Variants in AKAP9 observed in about 807,000 individuals in gnomAD.
AKAP9 encodes A-kinase anchoring protein 9.
AKAP9 carries 311 observed loss-of-function variants against 488.5 expected under a neutral mutation model. The ratio of observed to expected loss-of-function variants is 0.64; its 90% CI spans 0.58 to 0.70. The LOEUF (loss-of-function observed/expected upper bound fraction) is 0.70, where lower values mean the gene tolerates loss of function less well. AKAP9 is among the 30% of genes least tolerant of loss of function. AKAP9 has a pLI of 0.00. For missense variants in AKAP9, 4,215 were observed against 4,374.5 expected, an observed-to-expected ratio of 0.96 and a Z score of 1.03; for synonymous variants, 1,462 against 1,483.5, an observed-to-expected ratio of 0.99 and a Z score of 0.33.
intron 8 of AKAP9, among the ~76,000 whole-genome samples, chr7:92,011,843 G>A (rs1800792229): frequency 6.6e-6 from 1 of 152,328 alleles, no homozygotes; most frequent in Middle Eastern, 3.4e-3. Context: ...GCAGGGTGCG[G>A]TGGCTCATAC....
intron 8 of AKAP9, among the ~76,000 whole-genome samples, chr7:92,003,599 G>A (rs577697908): frequency 2.0e-5 from 3 of 151,678 alleles, no homozygotes; most frequent in Non-Finnish European, 4.4e-5. Flanking sequence ...TGGTTTCAGC[G>A]TTTTTATTTC....
intron 1 of AKAP9, among the ~76,000 whole-genome samples, chr7:91,968,787 C>T (rs2130542995): frequency 6.6e-6 from 1 of 152,216 alleles, no homozygotes; most frequent in South Asian, 2.1e-4. Flanking sequence ...GTTGTATTTC[C>T]ATTTTCATTT....
chr7:92,065,519 A>G, intron 25 of AKAP9, 56 bp downstream of exon 25: 7 of 1,215,824 alleles, frequency 5.8e-6, no homozygotes, highest in African/African-American at 1.5e-5. Context: ...CTTTGCTAGT[A>G]TACTAGGCTA....
At chr7:91,991,587 T>A (rs1486101773) in intron 3 of AKAP9, among the ~76,000 whole-genome samples, 3 of 151,732 alleles carry the variant, frequency 2.0e-5, no homozygotes, top group Non-Finnish European at 2.9e-5. Flanking sequence ...TTCTCCTGCC[T>A]CAGCCTCCCA....
chr7:91,964,938 A>G (rs1367771455), intron 1 of AKAP9, among the ~76,000 whole-genome samples: 1 of 152,200 alleles, frequency 6.6e-6, no homozygotes, highest in African/African-American at 2.4e-5. Flanking sequence ...TATTTTGGGA[A>G]TACATGTGAT....
chr7:92,063,735 A>G (rs991845970), intron 24 of AKAP9, among the ~76,000 whole-genome samples: 7 of 152,240 alleles, frequency 4.6e-5, no homozygotes, highest in African/African-American at 1.4e-4. Context: ...TATGATGTCT[A>G]TTTTTGCATA....
chr7:92,021,760 C>T (rs957500590), intron 12 of AKAP9, among the ~76,000 whole-genome samples: 3 of 152,122 alleles, frequency 2.0e-5, no homozygotes, highest in Non-Finnish European at 4.4e-5. Flanking sequence ...TGAGATTTAT[C>T]TATTTTCATT....
At position 92,093,224 on chromosome 7, in the gene AKAP9, T is replaced by C. The variant is rs1266928314; in HGVS notation, c.9486T>C (p.Ala3162=). The change falls in exon 39 of 50, where the codon GCT becomes GCC. Residue 3162 remains alanine (A), a synonymous_variant. Transcript: ENST00000356239. The part of the protein sequence containing the change: ...EQLSSEKMVV[A]ELKSELAQTK... ...TGAGTTCTGAGAAAATGGTGGTTGC[T>C]GAACTGAAGAGTGAGCTTGCACAAA... 6.2e-7 allele frequency: 1 copy of C among 1,614,100 alleles called. No homozygotes were observed. Among genetic ancestry groups the C allele is most frequent in the Non-Finnish European group, 8.5e-7 (1 of 1,180,020 alleles).
At chr7:91,946,929 G>C (rs1055423934) in intron 1 of AKAP9, among the ~76,000 whole-genome samples, 2 of 152,020 alleles carry the variant, frequency 1.3e-5, no homozygotes, top group African/African-American at 4.8e-5. Flanking sequence ...ATCTATTATA[G>C]GCTACTGAAT....
At position 92,052,903 on chromosome 7, in the gene AKAP9, G is replaced by A. The variant is rs1438779411; in HGVS notation, c.5546G>A (p.Arg1849Gln). ...GAACTTATGCTGAACATTAGCTCTC[G>A]ACTACAAGCAGCAGTTGAAAAACTC... Reference protein sequence around the residue: ...NEELMLNISSRLQAAVEKLLE... With the variant: ...NEELMLNISSQLQAAVEKLLE... Residue 1849 changes from arginine (R) to glutamine (Q), a missense_variant, in exon 22 of 50, where the codon CGA becomes CAA. Physicochemically the swap from Arg to Gln is conservative, Grantham distance 43. This residue lies in a region of AKAP9 where 2,361 missense variants were observed against 2,430.0 expected (regional missense o/e 0.97). Coordinates refer to ENST00000356239, the MANE Select transcript of AKAP9 (RefSeq NM_005751.5). 6 of 1,613,628 alleles carry A rather than the reference G, an allele frequency of 3.7e-6. No individual in the cohort carries two copies. The highest frequency in any genetic ancestry group is 1.7e-5 in the Admixed American group (1 of 59,972).
chr7:91,974,841 T>A (rs934253869), intron 2 of AKAP9, among the ~76,000 whole-genome samples: 2 of 152,158 alleles, frequency 1.3e-5, no homozygotes, highest in Non-Finnish European at 1.5e-5. Flanking sequence ...ATTTTATTTT[T>A]ATTTTAATTT....
rs764788750 is a variant in AKAP9 at position 92,038,644 on chromosome 7, G to A, written c.4564G>A (p.Gly1522Arg). The change falls in exon 17 of 50, where the codon GGA becomes AGA. Residue 1522 changes from glycine (G) to arginine (R), a missense_variant. Gly to Arg is a moderately radical substitution (Grantham distance 125). This residue lies in a region of AKAP9 where 2,361 missense variants were observed against 2,430.0 expected (regional missense o/e 0.97). Transcript: ENST00000356239. ...ATTTAAACCACTTAGTAAAGAGTTA[G>A]GAGAACATGGAAAGGAAATTTTATT... ...EEFKPLSKEL[G>R]EHGKEILLSN... 1.9e-6 allele frequency: 3 copies of A among 1,611,728 alleles called. No individual in the cohort carries two copies. Among genetic ancestry groups the A allele is most frequent in the South Asian group, 2.2e-5 (2 of 90,674 alleles).
At chr7:91,941,882 T>TTG (rs10700954) in intron 1 of AKAP9, among the ~76,000 whole-genome samples, 14,277 of 147,714 alleles carry the variant, frequency 0.097, 760 homozygotes, top group African/African-American at 0.13. Flanking sequence ...CGAATCCTGG[T>TTG]TGTGTGTGTG....
At chr7:92,094,122 A>G (rs903153250) in intron 39 of AKAP9, among the ~76,000 whole-genome samples, 2 of 151,692 alleles carry the variant, frequency 1.3e-5, no homozygotes, top group Non-Finnish European at 2.9e-5. Flanking sequence ...AAGTGCCGGG[A>G]TTACAGGTGT....
At position 91,978,930 on chromosome 7, in the gene AKAP9, G is replaced by GTTTTTT. The variant is rs1308690505; in HGVS notation, c.307-1358_307-1357insTTTTTT. 3.9e-5 allele frequency among the ~76,000 whole-genome samples: 3 copies of GTTTTTT among 77,264 alleles called. No individual in the cohort carries two copies. The East Asian group carries it at 1.1e-3, about 28-fold the overall frequency. The allele number at this position is 77,264 out of a possible 152,430, so 50.7% of individuals were successfully genotyped here. Reference sequence around the variant, plus strand: ...CACCACTACCGCCTGGCTAGTTTTTGTATTTTTTTTTTTTTTTTTTTTTTT... The same window carrying GTTTTTT: ...CACCACTACCGCCTGGCTAGTTTTTGTTTTTTTATTTTTTTTTTTTTTTTTTTTTTT... On this transcript the variant is annotated intron_variant, in intron 2 of 49. Transcript: ENST00000356239.
At position 92,009,861 on chromosome 7, in the gene AKAP9, A is replaced by G. The variant is rs529186400; in HGVS notation, c.3319-2568A>G. 2.6e-5 allele frequency among the ~76,000 whole-genome samples: 4 copies of G among 152,254 alleles called. No individual in the cohort carries two copies. In the East Asian group the frequency reaches 5.8e-4, roughly 22 times the overall value. On this transcript the variant is annotated intron_variant, in intron 8 of 49. Transcript: ENST00000356239. ...TCATAGATAGCAGGAAAAAAAATCC[A>G]TATGATAAATTTTATTTTTTATTTT... is the stretch of plus-strand genomic sequence containing the variant.
chr7:92,017,056 C>G lies in AKAP9; in HGVS notation c.3791C>G (p.Thr1264Arg). Residue 1264 changes from threonine (T) to arginine (R), a missense_variant, in exon 12 of 50, where the codon ACA (threonine) becomes AGA (arginine). This residue lies in a region of AKAP9 where 2,361 missense variants were observed against 2,430.0 expected (regional missense o/e 0.97). Transcript: ENST00000356239. The stretch of plus-strand genomic sequence containing the variant: ...ATGCACACTCTTCTCAACAAAGTAA[C>G]AGAAGAATACAACAAACTCTTGGTA... The part of the protein sequence containing the change: ...ENMHTLLNKV[T>R]EEYNKLLVLQ... 1 of 1,591,666 alleles carries G rather than the reference C, an allele frequency of 6.3e-7. No homozygotes were observed. The highest frequency in any genetic ancestry group is 8.6e-7 in the Non-Finnish European group (1 of 1,164,258).
chr7:91,966,035 C>T (rs1250787361), intron 1 of AKAP9, among the ~76,000 whole-genome samples: 1 of 152,088 alleles, frequency 6.6e-6, no homozygotes, highest in Admixed American at 6.5e-5. Flanking sequence ...AACTTTTTAG[C>T]TTTAAAAACA....
chr7:91,993,988 G>C (rs1350890970), intron 5 of AKAP9, among the ~76,000 whole-genome samples: 1 of 152,110 alleles, frequency 6.6e-6, no homozygotes, highest in Admixed American at 6.6e-5. Context: ...AATTAGCCAG[G>C]CATAGTGGTG....
Sources: allele counts gnomAD v4.1 joint callset (sites outside exome capture counted in the v4.1 genomes callset), GRCh38; gene constraint gnomAD v4.1.1; regional missense constraint gnomAD v4.1.1; transcripts MANE v1.5; gene names NCBI Gene and HGNC (gene_info 2026-07-23, HGNC 2026-07-21).